PCDH11X: variants seen among roughly 807,000 people sequenced by gnomAD.
PCDH11X encodes the protein protocadherin 11 X-linked.
A neutral mutation model predicts 53.3 loss-of-function variants in PCDH11X; 18 were observed. The ratio of observed to expected loss-of-function variants is 0.34; its 90% CI spans 0.23 to 0.50. The LOEUF is 0.50. Ranked by LOEUF, PCDH11X falls within the 20% of genes least tolerant of loss-of-function variation. The pLI, the probability that PCDH11X is intolerant of heterozygous loss-of-function variation, is 0.98. For synonymous variants in PCDH11X, 279 were observed against 393.3 expected (o/e 0.71, Z 3.44); for missense variants, 570 against 1,032.4 (o/e 0.55, Z 6.14).
intron 6 of PCDH11X, among the ~76,000 whole-genome samples, chrX:91,918,824 G>A (rs761681565): frequency 2.6e-4 from 29 of 110,934 alleles, no homozygotes; most frequent in African/African-American, 9.1e-4. Context: ...CATGATAAAT[G>A]CCTACTAAAA....
At chrX:92,000,039 T>C (rs1240153958) in intron 6 of PCDH11X, among the ~76,000 whole-genome samples, 1 of 111,767 alleles carries the variant, frequency 8.9e-6, no homozygotes, top group Non-Finnish European at 1.9e-5. Context: ...TGTAAAAACA[T>C]GAGTCAACTG....
At chrX:92,404,279 A>G (rs2071460352) in intron 9 of PCDH11X, among the ~76,000 whole-genome samples, 1 of 104,502 alleles carries the variant, frequency 9.6e-6, no homozygotes, top group Non-Finnish European at 1.9e-5. Context: ...GAGAATGGTG[A>G]CAAGGAGTAA....
intron 8 of PCDH11X, among the ~76,000 whole-genome samples, chrX:92,282,218 A>G (rs1035610620): frequency 7.2e-5 from 8 of 111,659 alleles, no homozygotes; most frequent in Non-Finnish European, 1.5e-4. Context: ...ATCTGTAAAA[A>G]TAGCTAATAA....
intron 1 of PCDH11X, among the ~76,000 whole-genome samples, chrX:91,798,900 G>A (rs34636689): frequency 9.1e-6 from 1 of 110,142 alleles, no homozygotes; most frequent in South Asian, 3.8e-4. Flanking sequence ...TTACTCAGAC[G>A]TGGATTATTT....
intron 5 of PCDH11X, among the ~76,000 whole-genome samples, chrX:91,844,452 G>A (rs979587917): frequency 3.7e-5 from 4 of 109,431 alleles, no homozygotes; most frequent in African/African-American, 1.3e-4. Flanking sequence ...CTCATATACT[G>A]CCTCTACCAT....
At chrX:91,883,710 C>G in intron 6 of PCDH11X, 1 of 544,856 alleles carries the variant, frequency 1.8e-6, no homozygotes. Context: ...GAGGCTGAGG[C>G]AGGAGAATAG....
In PCDH11X at chrX:91,811,276, T is replaced by C; in HGVS notation, c.-64T>C. The C allele has an allele frequency of 8.3e-7, 1 of 1,207,683 alleles. No homozygotes were observed. The highest frequency in any genetic ancestry group is 1.1e-6 in the Non-Finnish European group (1 of 892,453). On this transcript the variant is annotated 5_prime_UTR_variant, in exon 4 of 11. Coordinates refer to ENST00000682573, the MANE Select transcript of PCDH11X (RefSeq NM_032968.5). ...CTATGAGGACTGAACGACAGTGGGT[T>C]TTAATTCAGATATTTCAAGGTGAGT...
At chrX:92,261,863 C>G (rs2067722486) in intron 7 of PCDH11X, among the ~76,000 whole-genome samples, 1 of 111,353 alleles carries the variant, frequency 9.0e-6, no homozygotes, top group Non-Finnish European at 1.9e-5. Context: ...GAAGAGATTA[C>G]TCAAGGCATT....
chrX:92,392,234 AATATAGAGTTTCAAGAAC>A (rs1249889572), intron 9 of PCDH11X, among the ~76,000 whole-genome samples: 1 of 111,311 alleles, frequency 9.0e-6, no homozygotes, highest in East Asian at 2.8e-4. Context: ...AAAAGAAGAA[AATATAGAGTTTCAAGAAC>A]ATTTAGGGCT....
intron 6 of PCDH11X, among the ~76,000 whole-genome samples, chrX:92,167,581 C>G (rs1402127398): frequency 9.0e-6 from 1 of 111,529 alleles, no homozygotes; most frequent in African/African-American, 3.3e-5. Context: ...GAGTACAGAA[C>G]AAAGTTATAG....
At chrX:91,845,897 A>G (rs1001065732) in intron 5 of PCDH11X, among the ~76,000 whole-genome samples, 1 of 110,055 alleles carries the variant, frequency 9.1e-6, no homozygotes, top group Non-Finnish European at 1.9e-5. Context: ...GATTTTAATT[A>G]TTTATCTAAT....
chrX:92,369,540 T>A (rs1271936818), intron 8 of PCDH11X, among the ~76,000 whole-genome samples: 2 of 110,805 alleles, frequency 1.8e-5, no homozygotes, highest in Non-Finnish European at 3.8e-5. Flanking sequence ...CTTGCTGGGG[T>A]TCCAGGTGCC....
At chrX:91,796,979 C>A (rs1311544305) in intron 1 of PCDH11X, among the ~76,000 whole-genome samples, 1 of 111,606 alleles carries the variant, frequency 9.0e-6, no homozygotes, top group Non-Finnish European at 1.9e-5. Context: ...TTTGAAATAT[C>A]ATTTAACTAT....
intron 6 of PCDH11X, among the ~76,000 whole-genome samples, chrX:92,142,791 A>G (rs191022192): frequency 1.8e-5 from 2 of 109,697 alleles, no homozygotes; most frequent in Admixed American, 2.0e-4. Context: ...TTTTAGTTTG[A>G]CAACCTTATA....
rs1924697694 is a variant in PCDH11X, at chrX:92,588,824, G to A, written c.3368-29440G>A. Among the ~76,000 whole-genome samples the A allele has an allele frequency of 3.6e-5, 4 of 109,747 alleles. No homozygotes were observed. In the Admixed American group the frequency reaches 3.9e-4, roughly 11 times the overall value. ...AATATCCAAGTATAAGAAGGCTGTC[G>A]AACACCAAGCAGATTTAACACAAAG... On this transcript the variant is annotated intron_variant, in intron 10 of 10. Transcript: ENST00000682573.
At chrX:92,416,324 G>A in intron 9 of PCDH11X, among the ~76,000 whole-genome samples, 1 of 110,149 alleles carries the variant, frequency 9.1e-6, no homozygotes, top group African/African-American at 3.3e-5. Flanking sequence ...GAGTGTAATT[G>A]GATTATTTGT....
At chrX:92,422,534 CAATT>C (rs1163034540) in intron 9 of PCDH11X, among the ~76,000 whole-genome samples, 56 of 111,108 alleles carry the variant, frequency 5.0e-4, no homozygotes, top group African/African-American at 1.8e-3. Flanking sequence ...GTATAAAACA[CAATT>C]TATTTATTCA....
At chrX:92,003,246 G>A (rs1360466608) in intron 6 of PCDH11X, among the ~76,000 whole-genome samples, 1 of 99,362 alleles carries the variant, frequency 1.0e-5, no homozygotes, top group Non-Finnish European at 2.0e-5. Context: ...TGGTAATGAT[G>A]AATGATCTTT....
chrX:92,103,409 T>C (rs1314172451), intron 6 of PCDH11X, among the ~76,000 whole-genome samples: 1 of 110,625 alleles, frequency 9.0e-6, no homozygotes, highest in Non-Finnish European at 1.9e-5. Context: ...TCCGTATTGA[T>C]TAAGAAGGGG....
Sources: gnomAD v4.1 joint callset for allele counts (sites outside exome capture counted in the v4.1 genomes callset) on GRCh38, gnomAD v4.1.1 for gene constraint, MANE v1.5 for transcripts, NCBI Gene and HGNC (gene_info 2026-07-23, HGNC 2026-07-21) for gene names.